GPC1: variants seen among roughly 807,000 people sequenced by gnomAD.
GPC1 encodes the protein glypican-1.
A neutral mutation model predicts 51.5 loss-of-function variants in GPC1; 26 were observed. That is an observed-to-expected ratio of 0.50 (90% confidence interval 0.37 to 0.70). The LOEUF (loss-of-function observed/expected upper bound fraction) is 0.70. Among genes scored for constraint, GPC1 ranks in the 30% least tolerant of loss-of-function variants. The pLI is 0.00. For synonymous variants in GPC1, 380 were observed against 348.3 expected (o/e 1.09, Z -1.01); for missense variants, 775 against 800.5 (o/e 0.97, Z 0.38).
In GPC1 at chr2:240,466,556, G is replaced by A. The variant is rs539198453; in HGVS notation, c.*266G>A. 25 of 494,464 alleles carry A rather than the reference G, an allele frequency of 5.1e-5. No homozygotes were observed. Among genetic ancestry groups the A allele is most frequent in the South Asian group, 1.6e-4 (5 of 31,118 alleles). 30.6% of individuals were successfully genotyped at this position (494,464 alleles called of 1,614,324 possible). ...TTTCAGGGACCTCAGGGGCACCTCC[G>A]GCTGCCTAGCCCTCCCCCCAGCTCC... On this transcript the variant is annotated 3_prime_UTR_variant, in exon 9 of 9. Coordinates refer to ENST00000264039, the MANE Select transcript of GPC1 (RefSeq NM_002081.3).
chr2:240,451,250 G>A (rs1320661510), intron 1 of GPC1: 1 of 471,018 alleles, frequency 2.1e-6, no homozygotes, highest in African/African-American at 2.0e-5. Flanking sequence ...GGCATTCACG[G>A]GGCAGATGGA....
rs1365604515 is a variant in GPC1 at position 240,466,376 on chromosome 2, A to G, written c.*86A>G. 3 of 804,504 alleles carry G rather than the reference A, an allele frequency of 3.7e-6. No individual in the cohort carries two copies. Among genetic ancestry groups the G allele is most frequent in the East Asian group, 2.6e-5 (1 of 37,896 alleles). 49.8% of individuals were successfully genotyped at this position (804,504 alleles called of 1,614,324 possible). A position where few individuals can be genotyped will look rare whatever the true frequency, so the allele number is the denominator to read the frequency against. On this transcript the variant is annotated 3_prime_UTR_variant, in exon 9 of 9. Transcript: ENST00000264039. ...CGATATTTAATTCACCTCAGCCTGG[A>G]GAGGCCTGGGGTGGGACAGGGAGGG...
chr2:240,461,837 C>G (rs1183809949), intron 2 of GPC1, among the ~76,000 whole-genome samples: 1 of 152,016 alleles, frequency 6.6e-6, no homozygotes, highest in Non-Finnish European at 1.5e-5. Context: ...CCCAGTGAGT[C>G]CCCATCTCCA....
intron 4 of GPC1, 104 bp downstream of exon 4, chr2:240,463,616 C>A: frequency 1.0e-6 from 1 of 981,618 alleles, no homozygotes; most frequent in Non-Finnish European, 1.5e-6. Context: ...GACCCAGGGA[C>A]CTGATCAGGG....
chr2:240,447,936 G>A (rs912210520), intron 1 of GPC1, among the ~76,000 whole-genome samples: 59 of 152,156 alleles, frequency 3.9e-4, no homozygotes, highest in African/African-American at 1.4e-3. Context: ...CACCCTGAGC[G>A]CTCACAGCAC....
Position 240,464,928 on chromosome 2 carries a change from A to G in GPC1, c.1087A>G (p.Lys363Glu). The G allele has an allele frequency of 1.9e-6, 3 of 1,551,696 alleles. No individual in the cohort carries two copies. The highest frequency in any genetic ancestry group is 2.6e-6 in the Non-Finnish European group (3 of 1,147,820). The change falls in exon 6 of 9, where the codon AAG becomes GAG. Residue 363 changes from lysine to glutamate, a missense_variant. Lys to Glu is a moderately conservative substitution (Grantham distance 56, BLOSUM62 1). Coordinates refer to ENST00000264039, the MANE Select transcript of GPC1 (RefSeq NM_002081.3). ...PGPEEKRRRG[K>E]LAPRERPPSG... Reference sequence around the variant, plus strand: ...GCCTGAGGAGAAGCGGCGCCGGGGCAAGCTGGCCCCGCGGGAGAGGCCACC... The same window carrying G: ...GCCTGAGGAGAAGCGGCGCCGGGGCGAGCTGGCCCCGCGGGAGAGGCCACC...
chr2:240,449,738 C>A, intron 1 of GPC1: 1 of 433,594 alleles, frequency 2.3e-6, no homozygotes, highest in Admixed American at 2.4e-5. Flanking sequence ...CCCTGGTGCC[C>A]GCCATCCTTT....
rs1203918772 is a variant in GPC1 at position 240,467,042 on chromosome 2, T to G, written c.*752T>G. On this transcript the variant is annotated 3_prime_UTR_variant, in exon 9 of 9. Transcript: ENST00000264039. ...GGCCCAAAGGCCCAGGGAGGCAGCG[T>G]GGGCTCTGCCAATGTGGGCTGCCCC... 1 of 152,270 alleles carries G rather than the reference T, an allele frequency of 6.6e-6. No individual in the cohort carries two copies. Among genetic ancestry groups the G allele is most frequent in the Non-Finnish European group, 1.5e-5 (1 of 68,058 alleles). 9.4% of individuals were successfully genotyped at this position (152,270 alleles called of 1,614,324 possible).
At chr2:240,451,315 C>T (rs1044853544) in intron 1 of GPC1, 5 of 464,872 alleles carry the variant, frequency 1.1e-5, no homozygotes, top group African/African-American at 8.0e-5. Flanking sequence ...TCCCCTTCTG[C>T]GTTTCTAGCG....
chr2:240,453,065 C>CTCTCCCGCGG, intron 1 of GPC1: 1 of 325,870 alleles, frequency 3.1e-6, no homozygotes, highest in Non-Finnish European at 6.0e-6. Context: ...GCCCGAGGAC[C>CTCTCCCGCGG]TCTCCCGCAG....
rs139312650 is a variant in GPC1 at position 240,438,455 on chromosome 2, G to A, written c.166+2371G>A. 9.4e-3 allele frequency among the ~76,000 whole-genome samples: 1,433 copies of A among 152,300 alleles called. 12 individuals are homozygous for A. Among genetic ancestry groups the A allele is most frequent in the Middle Eastern group, 0.024 (7 of 294 alleles). ...AACGGGCGCCCTCTGGTGGCCCCTG[G>A]GCGGCAGATCCTCCCAGGAGCCCTG... On this transcript the variant is annotated intron_variant, in intron 1 of 8. Transcript: ENST00000264039.
Position 240,465,545 on chromosome 2 carries a change from C to G in GPC1, c.1341C>G (p.Thr447=), listed in dbSNP as rs1186146657. ...INNPEVEVDI[T]KPDMTIRQQI... The stretch of plus-strand genomic sequence containing the variant: ...ACCCCGAGGTGGAGGTGGACATCAC[C>G]AAGCCGGACATGACCATCCGGCAGC... Residue 447 remains threonine, a synonymous_variant, in exon 8 of 9, where the codon ACC becomes ACG. Transcript: ENST00000264039. 1 of 1,613,140 alleles carries G rather than the reference C, an allele frequency of 6.2e-7. No homozygotes were observed. The highest frequency in any genetic ancestry group is 8.5e-7 in the Non-Finnish European group (1 of 1,179,964).
chr2:240,440,476 C>T (rs1381264565), intron 1 of GPC1, among the ~76,000 whole-genome samples: 1 of 152,214 alleles, frequency 6.6e-6, no homozygotes, highest in Non-Finnish European at 1.5e-5. Context: ...TCCCAGCCCG[C>T]TCTCCTGTCC....
intron 1 of GPC1, among the ~76,000 whole-genome samples, chr2:240,446,263 GA>G (rs68066061): frequency 0.011 from 1,626 of 152,364 alleles, 23 homozygotes; most frequent in African/African-American, 0.035. Context: ...GTGCGAGTGA[GA>G]GGGACACATC....
chr2:240,458,731 T>C, intron 1 of GPC1: 1 of 374,992 alleles, frequency 2.7e-6, no homozygotes, highest in Non-Finnish European at 4.8e-6. Flanking sequence ...GCCAGTTCTT[T>C]GCTTGCAGCT....
intron 1 of GPC1, chr2:240,442,532 G>A (rs2074025083): frequency 6.6e-6 from 1 of 152,370 alleles, no homozygotes; most frequent in South Asian, 2.1e-4. Context: ...GCCTCCACAG[G>A]CCGCTCTCCC....
chr2:240,447,939 C>T (rs1053204648), intron 1 of GPC1, among the ~76,000 whole-genome samples: 3 of 152,110 alleles, frequency 2.0e-5, no homozygotes, highest in Non-Finnish European at 2.9e-5. Context: ...CCTGAGCGCT[C>T]ACAGCACGCA....
intron 1 of GPC1, chr2:240,456,545 C>T: frequency 2.2e-6 from 1 of 463,352 alleles, no homozygotes; most frequent in Non-Finnish European, 4.5e-6. Context: ...TCAGCTGGCA[C>T]CTGCCACCCC....
intron 7 of GPC1, 64 bp downstream of exon 7, chr2:240,465,274 G>A: frequency 6.6e-7 from 1 of 1,524,684 alleles, no homozygotes; most frequent in Non-Finnish European, 8.9e-7. Context: ...CTGTGCCTGG[G>A]CCAGGTGCTG....
Sources: gnomAD v4.1 joint callset for allele counts (sites outside exome capture counted in the v4.1 genomes callset) on GRCh38, gnomAD v4.1.1 for gene constraint, MANE v1.5 for transcripts, NCBI Gene and HGNC (gene_info 2026-07-23, HGNC 2026-07-21) for gene names.